The following PI4K2B variants were observed in gnomAD, a reference collection of about 807,000 sequenced individuals.
PI4K2B encodes the protein phosphatidylinositol 4-kinase type 2 beta.
In PI4K2B, 46 loss-of-function variants were observed where a neutral mutation model predicts 56.6. The observed-to-expected ratio is 0.81, with a 90% CI of 0.64 to 1.04. The LOEUF (loss-of-function observed/expected upper bound fraction) is 1.04, where lower values mean the gene tolerates loss of function less well. PI4K2B is among the 50% of genes least tolerant of loss of function. The probability of loss-of-function intolerance (pLI) is 0.00; values close to 1 mark genes in which losing one functional copy is unlikely to be tolerated. For synonymous variants in PI4K2B, 211 were observed against 223.8 expected, an observed-to-expected ratio of 0.94 and a Z score of 0.51; for missense variants, 556 against 607.7, an observed-to-expected ratio of 0.91 and a Z score of 0.89.
intron 9 of PI4K2B, among the ~76,000 whole-genome samples, 156 bp downstream of exon 9, chr4:25,269,359 G>A (rs754925162): frequency 9.9e-5 from 15 of 152,262 alleles, no homozygotes; most frequent in Non-Finnish European, 2.1e-4. Flanking sequence ...TGATTCGGCC[G>A]ACTGCAGTGG....
rs748650081 is a variant in PI4K2B at position 25,259,085 on chromosome 4, T to C, written c.805T>C (p.Trp269Arg). Residue 269 changes from tryptophan (W) to arginine (R), a missense_variant, in exon 5 of 10, where the codon TGG becomes CGG. Trp to Arg is a moderately radical substitution (Grantham distance 101). Coordinates refer to ENST00000264864, the MANE Select transcript of PI4K2B (RefSeq NM_018323.4). ...TGAAGGTTACAAGGAGGCTGAATATTGGCTTAGGAAATTTGAAGCTGACCC... is the reference window on the plus strand; with the variant it reads ...TGAAGGTTACAAGGAGGCTGAATATCGGCTTAGGAAATTTGAAGCTGACCC... ...FVEGYKEAEY[W>R]LRKFEADPLP... 16 of 1,593,700 alleles carry C rather than the reference T, an allele frequency of 1.0e-5. No homozygotes were observed. In the East Asian group the frequency reaches 3.1e-4, roughly 31 times the overall value.
chr4:25,241,807 A>G (rs990789029), intron 1 of PI4K2B, among the ~76,000 whole-genome samples: 1 of 152,172 alleles, frequency 6.6e-6, no homozygotes, highest in African/African-American at 2.4e-5. Context: ...TCCAAGAGCT[A>G]TCTCGGCTCC....
intron 9 of PI4K2B, among the ~76,000 whole-genome samples, chr4:25,274,914 G>A (rs1301601714): frequency 6.6e-6 from 1 of 152,234 alleles, no homozygotes; most frequent in African/African-American, 2.4e-5. Flanking sequence ...TTGTGCCCCA[G>A]CCTCCCTGAT....
chr4:25,268,418 T>A, intron 7 of PI4K2B, 25 bp from the exon 8 acceptor site: 1 of 1,584,050 alleles, frequency 6.3e-7, no homozygotes, highest in Non-Finnish European at 8.6e-7. Flanking sequence ...CTACCACTGA[T>A]TAGGAGAATG....
intron 1 of PI4K2B, among the ~76,000 whole-genome samples, chr4:25,247,132 G>T (rs539548361): frequency 2.0e-5 from 3 of 152,374 alleles, no homozygotes; most frequent in East Asian, 3.9e-4. Context: ...AGGAGGTGTG[G>T]TGAGTGAGCA....
rs2109077655 is a variant in PI4K2B at position 25,234,360 on chromosome 4, T to C, written c.197T>C (p.Leu66Pro). The change falls in exon 1 of 10, where the codon CTC becomes CCC. Residue 66 changes from leucine to proline, a missense_variant. Leu to Pro is a moderately conservative substitution (Grantham distance 98). Transcript: ENST00000264864. ...EGEAGDEELP[L>P]PPGDVGVSRS... ...GAGGCCGGCGACGAGGAGCTGCCCC[T>C]CCCGCCCGGGGACGTGGGGGTCTCC... The C allele has an allele frequency of 1.4e-6, 2 of 1,410,064 alleles. No homozygotes were observed. Among genetic ancestry groups the C allele is most frequent in the Non-Finnish European group, 1.9e-6 (2 of 1,080,916 alleles). 87.3% of individuals were successfully genotyped at this position (1,410,064 alleles called of 1,614,324 possible).
chr4:25,259,471 GT>G (rs1716375795), intron 5 of PI4K2B, among the ~76,000 whole-genome samples: 1 of 152,144 alleles, frequency 6.6e-6, no homozygotes, highest in Non-Finnish European at 1.5e-5. Context: ...TCTGCATAAT[GT>G]GAGTAATTAA....
rs1716362236 is a variant in PI4K2B at position 25,259,145 on chromosome 4, CA to C, written c.867del (p.Gln289HisfsTer5). On this transcript the variant is annotated frameshift_variant, in exon 5 of 10. Transcript: ENST00000264864. LOFTEE classifies it high-confidence loss of function. ...PENIRKQFQS[Q>X]FERLVILDYI... is the part of the protein sequence containing the mutation. ...GAATATTAGAAAACAATTTCAGTCA[CA>C]ATTTGAAAGATTAGTTATTTTGGAT... 6.3e-7 allele frequency: 1 copy of C among 1,580,604 alleles called. No homozygotes were observed. The highest frequency in any genetic ancestry group is 8.7e-7 in the Non-Finnish European group (1 of 1,151,986).
chr4:25,263,640 C>A, intron 6 of PI4K2B, 110 bp from the exon 7 acceptor site: 1 of 469,428 alleles, frequency 2.1e-6, no homozygotes, highest in Non-Finnish European at 3.8e-6. Context: ...TTTTTATAGG[C>A]TCATCCGAGA....
intron 5 of PI4K2B, 62 bp downstream of exon 5, chr4:25,259,252 A>G: frequency 8.7e-7 from 1 of 1,143,070 alleles, no homozygotes. Flanking sequence ...TATTCTTGTT[A>G]TCCAAATCAA....
chr4:25,274,124 C>T (rs998286120), intron 9 of PI4K2B, among the ~76,000 whole-genome samples: 2 of 152,122 alleles, frequency 1.3e-5, no homozygotes, highest in African/African-American at 2.4e-5. Flanking sequence ...TTTAAATCAA[C>T]ATATGGGGTA....
At chr4:25,249,413 C>A (rs1275838781) in intron 1 of PI4K2B, among the ~76,000 whole-genome samples, 4 of 37,176 alleles carry the variant, frequency 1.1e-4, no homozygotes, top group Non-Finnish European at 3.0e-4. Flanking sequence ...CTCCACCCCC[C>A]GGACAGGGCG....
At chr4:25,274,147 GAGAT>G (rs1226429674) in intron 9 of PI4K2B, among the ~76,000 whole-genome samples, 1 of 152,138 alleles carries the variant, frequency 6.6e-6, no homozygotes, top group Non-Finnish European at 1.5e-5. Context: ...TTGCTATAGA[GAGAT>G]AGCTTAAAAT....
chr4:25,276,796 T>A, intron 9 of PI4K2B: 1 of 979,638 alleles, frequency 1.0e-6, no homozygotes, highest in Non-Finnish European at 1.2e-6. Context: ...TATTTAATGC[T>A]AATTGTGTGT....
Position 25,255,229 on chromosome 4 carries a change from C to T in PI4K2B, c.588C>T (p.Asp196=), listed in dbSNP as rs148858187. 3.7e-6 allele frequency: 6 copies of T among 1,613,974 alleles called. No homozygotes were observed. The highest frequency in any genetic ancestry group is 5.1e-6 in the Non-Finnish European group (6 of 1,179,976). The part of the protein sequence containing the change: ...YLSEAGAYLV[D]NKLHLSIVPK... ...CCGAAGCGGGTGCCTATCTTGTGGA[C>T]AACAAGCTTCATCTGAGCATTGTAC... The change falls in exon 3 of 10, where the codon GAC becomes GAT. Residue 196 remains aspartate (D), a synonymous_variant. Transcript: ENST00000264864.
At chr4:25,241,878 T>C (rs978694327) in intron 1 of PI4K2B, among the ~76,000 whole-genome samples, 2 of 152,212 alleles carry the variant, frequency 1.3e-5, no homozygotes, top group African/African-American at 4.8e-5. Context: ...GAGCTTGTAC[T>C]AGGGCCTGCT....
At chr4:25,270,425 A>C (rs1180409577) in intron 9 of PI4K2B, among the ~76,000 whole-genome samples, 1 of 151,368 alleles carries the variant, frequency 6.6e-6, no homozygotes, top group Non-Finnish European at 1.5e-5. Flanking sequence ...AGCTCACTTC[A>C]ACCTCTGTCT....
At position 25,234,088 on chromosome 4, in the gene PI4K2B, C is replaced by T. The variant is rs1715119420; in HGVS notation, c.-76C>T. ...CCGTTCTACCCGGTCGCTCCCGTTC[C>T]GCGCCATGCAGAGCCCAGTCTCTGG... On this transcript the variant is annotated 5_prime_UTR_variant, in exon 1 of 10. Coordinates refer to ENST00000264864, the MANE Select transcript of PI4K2B (RefSeq NM_018323.4). The T allele has an allele frequency of 4.2e-6, 5 of 1,186,146 alleles. No individual in the cohort carries two copies. Among genetic ancestry groups the T allele is most frequent in the Non-Finnish European group, 4.2e-6 (4 of 942,970 alleles). The allele number at this position is 1,186,146 out of a possible 1,614,324, so 73.5% of individuals were successfully genotyped here.
Position 25,263,814 on chromosome 4 carries a change from C to A in PI4K2B, c.1043C>A (p.Ala348Glu). Residue 348 changes from alanine to glutamate, a missense_variant, in exon 7 of 10, where the codon GCA becomes GAA. By Grantham distance (107) the Ala-to-Glu change is moderately radical. Coordinates refer to ENST00000264864, the MANE Select transcript of PI4K2B (RefSeq NM_018323.4). The part of the protein sequence containing the change: ...IKIAAIDNGL[A>E]FPFKHPDEWR... Reference sequence around the variant, plus strand: ...ATAGCTGCAATTGATAATGGTCTAGCATTTCCTTTTAAACATCCTGATGAA... The same window carrying A: ...ATAGCTGCAATTGATAATGGTCTAGAATTTCCTTTTAAACATCCTGATGAA... 1 of 1,531,026 alleles carries A rather than the reference C, an allele frequency of 6.5e-7. No individual in the cohort carries two copies. Among genetic ancestry groups the A allele is most frequent in the Non-Finnish European group, 9.0e-7 (1 of 1,106,316 alleles). 94.8% of individuals were successfully genotyped at this position (1,531,026 alleles called of 1,614,324 possible).
Sources: gnomAD v4.1 joint callset for allele counts (sites outside exome capture counted in the v4.1 genomes callset) on GRCh38, gnomAD v4.1.1 for gene constraint, MANE v1.5 for transcripts, NCBI Gene and HGNC (gene_info 2026-07-23, HGNC 2026-07-21) for gene names.